Variants in AEN observed in about 807,000 individuals in gnomAD.
AEN encodes the protein apoptosis enhancing nuclease.
Under a neutral mutation model 17.7 loss-of-function variants are expected in AEN, and 21 were observed. The observed-to-expected ratio is 1.19, with a 90% CI of 0.84 to 1.71. The LOEUF is 1.71. Ranked by LOEUF, AEN falls within the 40% of genes most tolerant of loss-of-function variation. The pLI is 0.00. For missense variants in AEN, 462 were observed against 435.9 expected (o/e 1.06, Z -0.53); for synonymous variants, 190 against 173.0 (o/e 1.10, Z -0.77).
chr15:88,629,428 T>C lies in AEN; in HGVS notation c.741+2T>C, dbSNP rs756781764. 6.2e-7 allele frequency: 1 copy of C among 1,612,650 alleles called. No individual in the cohort carries two copies. The stretch of plus-strand genomic sequence containing the variant: ...CAGCTGCTGCACAAGAAGATCCAGG[T>C]GCGTGGTGGGAGAGTGGCTGGAAGG... On this transcript the variant is annotated splice_donor_variant, in intron 3 of 3. Transcript: ENST00000332810. LOFTEE classifies it high-confidence loss of function.
Position 88,629,297 on chromosome 15 carries a change from T to G in AEN, c.612T>G (p.Tyr204Ter). ...ALHNDFQALKYVHPRSQTRDT... is the reference protein window; with the variant it reads ...ALHNDFQALK Reference sequence around the variant, plus strand: ...ACAACGACTTCCAGGCGCTCAAGTATGTCCACCCTCGGAGCCAGACCCGGG... The same window carrying G: ...ACAACGACTTCCAGGCGCTCAAGTAGGTCCACCCTCGGAGCCAGACCCGGG... The change falls in exon 3 of 4, where the codon TAT becomes TAG. Residue 204 changes from tyrosine to a stop codon, truncating the protein, a stop_gained. Transcript: ENST00000332810. LOFTEE classifies it high-confidence loss of function. The G allele has an allele frequency of 6.2e-7, 1 of 1,614,122 alleles. No individual in the cohort carries two copies. The highest frequency in any genetic ancestry group is 8.5e-7 in the Non-Finnish European group (1 of 1,180,022).
the AEN span, among the ~76,000 whole-genome samples, chr15:88,611,380 G>C: frequency 1.4e-5 from 2 of 147,136 alleles, no homozygotes; most frequent in African/African-American, 2.5e-5. Context: ...AGGATCACTT[G>C]AGCCCAGGAG....
the AEN span, among the ~76,000 whole-genome samples, chr15:88,609,663 A>C: frequency 6.6e-6 from 1 of 152,174 alleles, no homozygotes; most frequent in South Asian, 2.1e-4. Context: ...TCATTTTTTC[A>C]AAATATATTT....
At chr15:88,621,947 G>C (rs2057793428) in intron 1 of AEN, 1 of 152,114 alleles carries the variant, frequency 6.6e-6, no homozygotes, top group African/African-American at 2.4e-5. Flanking sequence ...CCTTTCATCA[G>C]ATGTCATATG....
At position 88,626,201 on chromosome 15, in the gene AEN, C is replaced by G; in HGVS notation, c.-9C>G. 1.9e-6 allele frequency: 3 copies of G among 1,565,288 alleles called. No homozygotes were observed. The highest frequency in any genetic ancestry group is 2.6e-6 in the Non-Finnish European group (3 of 1,155,070). ...GGCTTCCCTTGCCCCAAGCAGTGAG[C>G]TGACTGGAATGGTACCCCGGGAGGC... On this transcript the variant is annotated 5_prime_UTR_variant, in exon 2 of 4. Transcript: ENST00000332810.
chr15:88,629,320 G>T lies in AEN; in HGVS notation c.635G>T (p.Arg212Leu), dbSNP rs561034272. The T allele has an allele frequency of 1.9e-6, 3 of 1,613,992 alleles. No individual in the cohort carries two copies. The highest frequency in any genetic ancestry group is 2.5e-6 in the Non-Finnish European group (3 of 1,180,022). ...TATGTCCACCCTCGGAGCCAGACCC[G>T]GGATACGACCTATGTCCCAAACTTC... ...LKYVHPRSQT[R>L]DTTYVPNFLS... Residue 212 changes from arginine (R) to leucine (L), a missense_variant, in exon 3 of 4, where the codon CGG (arginine) becomes CTG (leucine). Physicochemically the swap from Arg to Leu is moderately radical, Grantham distance 102. Transcript: ENST00000332810.
rs781406081 is a variant in AEN, at chr15:88,626,585, G to A, written c.376G>A (p.Val126Ile). 3.1e-6 allele frequency: 5 copies of A among 1,614,130 alleles called. No individual in the cohort carries two copies. The Admixed American group carries it at 8.3e-5, about 27-fold the overall frequency. The change falls in exon 2 of 4, where the codon GTA (valine) becomes ATA (isoleucine). Residue 126 changes from valine (V) to isoleucine (I), a missense_variant. Coordinates refer to ENST00000332810, the MANE Select transcript of AEN (RefSeq NM_022767.4). ...GGTGGGCACGGGACCCCGAGGGCGG[G>A]TAAGCGAGCTGGCCCGCTGTTCCAT... ...EMVGTGPRGR[V>I]SELARCSIVS...
chr15:88,629,274 A>C lies in AEN; in HGVS notation c.589A>C (p.Asn197His), dbSNP rs1365800143. 6.2e-7 allele frequency: 1 copy of C among 1,614,006 alleles called. No homozygotes were observed. The highest frequency in any genetic ancestry group is 8.5e-7 in the Non-Finnish European group (1 of 1,180,010). Residue 197 changes from asparagine to histidine, a missense_variant, in exon 3 of 4, where the codon AAC becomes CAC. Transcript: ENST00000332810. ...GGTGGTGGTGGGGCACGCGCTGCAC[A>C]ACGACTTCCAGGCGCTCAAGTATGT... ...GKVVVGHALH[N>H]DFQALKYVHP...
At chr15:88,608,062 T>C in the AEN span, 1 of 492,274 alleles carries the variant, frequency 2.0e-6, no homozygotes, top group African/African-American at 2.0e-5. Context: ...TTATTTTCTT[T>C]ATGGACAAAG....
At position 88,630,016 on chromosome 15, in the gene AEN, C is replaced by T. The variant is rs2141376540; in HGVS notation, c.742-42C>T. 1 of 1,587,764 alleles carries T rather than the reference C, an allele frequency of 6.3e-7. No homozygotes were observed. Among genetic ancestry groups the T allele is most frequent in the Non-Finnish European group, 8.6e-7 (1 of 1,157,040 alleles). Reference sequence around the variant, plus strand: ...TTGCTTCTTGGGGTAACAGGCCTCTCACTAGGCCTGCAGGCAGTGATGTGT... The same window carrying T: ...TTGCTTCTTGGGGTAACAGGCCTCTTACTAGGCCTGCAGGCAGTGATGTGT... On this transcript the variant is annotated intron_variant, in intron 3 of 3. Transcript: ENST00000332810. This position sits in a 1 kb window ranked among gnomAD's most constrained non-coding sequence, Gnocchi z 5.1.
upstream of AEN, among the ~76,000 whole-genome samples, chr15:88,618,470 T>C (rs773082075): frequency 6.6e-6 from 1 of 152,230 alleles, no homozygotes; most frequent in Non-Finnish European, 1.5e-5. Flanking sequence ...GTAGTACATA[T>C]GATTAAAATA....
chr15:88,630,374 C>A lies in AEN; in HGVS notation c.*80C>A. The A allele has an allele frequency of 7.2e-7, 1 of 1,381,540 alleles. No individual in the cohort carries two copies. The highest frequency in any genetic ancestry group is 1.3e-5 in the South Asian group (1 of 76,470). 85.6% of individuals were successfully genotyped at this position (1,381,540 alleles called of 1,614,324 possible). ...GCCAGGAGAGCAGCGGGCACTCCTTCCTGGGCAGGGTGGGGCAGGATGCAG... is the reference window on the plus strand; with the variant it reads ...GCCAGGAGAGCAGCGGGCACTCCTTACTGGGCAGGGTGGGGCAGGATGCAG... On this transcript the variant is annotated 3_prime_UTR_variant, in exon 4 of 4. Coordinates refer to ENST00000332810, the MANE Select transcript of AEN (RefSeq NM_022767.4). This position sits in a 1 kb window ranked among gnomAD's most constrained non-coding sequence, Gnocchi z 5.1.
chr15:88,613,616 T>G, the AEN span, among the ~76,000 whole-genome samples: 1 of 150,540 alleles, frequency 6.6e-6, no homozygotes, highest in Non-Finnish European at 1.5e-5. Flanking sequence ...ATTCCTGATT[T>G]GAGGGATGGA....
the AEN span, among the ~76,000 whole-genome samples, chr15:88,612,431 T>C: frequency 2.6e-5 from 4 of 152,116 alleles, no homozygotes; most frequent in South Asian, 4.2e-4. Context: ...GTGTATGGAA[T>C]TTCTTGGTCC....
rs757563706 is a variant in AEN at position 88,630,767 on chromosome 15, C to G, written c.*473C>G. ...ATGACTTGGGGGTAAAGTTCTCTTC[C>G]TTTTGTTGCCTACCTCTTCCTCCAC... On this transcript the variant is annotated 3_prime_UTR_variant, in exon 4 of 4. Coordinates refer to ENST00000332810, the MANE Select transcript of AEN (RefSeq NM_022767.4). The surrounding 1 kb of genome is among the most constrained non-coding windows in gnomAD (Gnocchi z 5.1). 1 of 219,254 alleles carries G rather than the reference C, an allele frequency of 4.6e-6. No individual in the cohort carries two copies. The highest frequency in any genetic ancestry group is 2.3e-5 in the African/African-American group (1 of 44,070). The allele number at this position is 219,254 out of a possible 1,614,324, so 13.6% of individuals were successfully genotyped here. A position where few individuals can be genotyped will look rare whatever the true frequency, so the allele number is the denominator to read the frequency against.
At chr15:88,627,564 G>C (rs2057870860) in intron 2 of AEN, 1 of 151,944 alleles carries the variant, frequency 6.6e-6, no homozygotes, top group East Asian at 1.9e-4. Context: ...CTTGCTTGTG[G>C]AAAGAGGAGT....
intron 2 of AEN, chr15:88,627,098 G>A (rs2057864389): frequency 4.0e-6 from 1 of 250,196 alleles, no homozygotes; most frequent in Non-Finnish European, 7.9e-6. Flanking sequence ...AGGTATGGAT[G>A]TTTTGGCATA....
At chr15:88,611,980 CCA>C in the AEN span, 4 of 443,402 alleles carry the variant, frequency 9.0e-6, no homozygotes, top group Admixed American at 1.2e-4. Context: ...GGCTATCCTT[CCA>C]CGTGTTCTTT....
intron 1 of AEN, among the ~76,000 whole-genome samples, chr15:88,624,688 A>G (rs565773106): frequency 6.6e-6 from 1 of 152,308 alleles, no homozygotes; most frequent in South Asian, 2.1e-4. Flanking sequence ...GTTTGAGACC[A>G]GCCTGTCCAA....
Sources: allele counts gnomAD v4.1 joint callset (sites outside exome capture counted in the v4.1 genomes callset), GRCh38; gene constraint gnomAD v4.1.1; non-coding constraint Gnocchi (gnomAD v3.1); transcripts MANE v1.5; gene names NCBI Gene and HGNC (gene_info 2026-07-23, HGNC 2026-07-21).